The following B3GALT1 variants were observed in gnomAD, a reference collection of about 807,000 sequenced individuals.
The protein encoded by B3GALT1 is beta-1,3-galactosyltransferase 1, also known as UDP-Gal:betaGlcNAc beta 1,3-galactosyltransferase, polypeptide 1.
Under a neutral mutation model 23.2 loss-of-function variants are expected in B3GALT1, and 10 were observed. The ratio of observed to expected loss-of-function variants is 0.43; its 90% confidence interval spans 0.27 to 0.73. The LOEUF (loss-of-function observed/expected upper bound fraction) is 0.73, where lower values mean the gene tolerates loss of function less well. Among genes scored for constraint, B3GALT1 ranks in the 30% least tolerant of loss-of-function variants. The pLI is 0.21. For synonymous variants in B3GALT1, 156 were observed against 141.5 expected (o/e 1.10, Z -0.73); for missense variants, 299 against 405.4 (o/e 0.74, Z 2.25).
intron 2 of B3GALT1, among the ~76,000 whole-genome samples, chr2:167,627,692 G>T (rs1044606038): frequency 6.6e-6 from 1 of 151,604 alleles, no homozygotes. Context: ...AGACCTGGGA[G>T]TGGAACAACT....
rs149922814 is a variant in B3GALT1, at chr2:167,783,968, C to T, written c.-351-34704C>T. Among the ~76,000 whole-genome samples the T allele has an allele frequency of 7.9e-5, 12 of 152,292 alleles. 1 individual carries two copies. The highest frequency in any genetic ancestry group is 6.2e-4 in the South Asian group (3 of 4,824). On this transcript the variant is annotated intron_variant, in intron 3 of 4. Coordinates refer to ENST00000392690, the MANE Select transcript of B3GALT1 (RefSeq NM_020981.4). Reference sequence around the variant, plus strand: ...TCTGCAGTGACCACAGTGGCAAGGTCTGGGGAGGAGCCAGCAGTGGTGGTT... The same window carrying T: ...TCTGCAGTGACCACAGTGGCAAGGTTTGGGGAGGAGCCAGCAGTGGTGGTT...
intron 3 of B3GALT1, among the ~76,000 whole-genome samples, chr2:167,672,176 T>C (rs1243041981): frequency 6.6e-6 from 1 of 152,134 alleles, no homozygotes; most frequent in African/African-American, 2.4e-5. Flanking sequence ...GCTTCCCTTT[T>C]GGAGAAACCT....
At chr2:167,375,446 A>G (rs751520997) in intron 1 of B3GALT1, among the ~76,000 whole-genome samples, 4 of 152,146 alleles carry the variant, frequency 2.6e-5, no homozygotes, top group Non-Finnish European at 5.9e-5. Flanking sequence ...GGCCATTTTA[A>G]TGATGTGATT....
At chr2:167,335,562 G>A (rs1043271015) in intron 1 of B3GALT1, among the ~76,000 whole-genome samples, 2 of 152,100 alleles carry the variant, frequency 1.3e-5, no homozygotes, top group African/African-American at 2.4e-5. Context: ...CGGGGAAGGG[G>A]GTGGGCAGTT....
intron 1 of B3GALT1, among the ~76,000 whole-genome samples, chr2:167,431,056 C>T (rs1209101952): frequency 1.3e-5 from 2 of 152,050 alleles, no homozygotes; most frequent in Non-Finnish European, 2.9e-5. Flanking sequence ...CTGTAATGTC[C>T]TTTATGCTGC....
At chr2:167,551,749 C>T (rs1683751014) in intron 2 of B3GALT1, among the ~76,000 whole-genome samples, 1 of 152,006 alleles carries the variant, frequency 6.6e-6, no homozygotes, top group Non-Finnish European at 1.5e-5. Context: ...TAAATTCACA[C>T]AGAGGCACCA....
Position 167,869,820 on chromosome 2 carries a change from C to G in B3GALT1, c.781C>G (p.Leu261Val), listed in dbSNP as rs1301507862. 6.2e-7 allele frequency: 1 copy of G among 1,614,116 alleles called. No homozygotes were observed. Reference protein sequence around the residue: ...IYKTSLHTRLLHLEDVYVGLC... With the variant: ...IYKTSLHTRLVHLEDVYVGLC... ...CAAGACCTCACTCCACACAAGGCTG[C>G]TTCACCTTGAAGACGTATATGTGGG... The change falls in exon 5 of 5, where the codon CTT becomes GTT. Residue 261 changes from leucine (L) to valine (V), a missense_variant. By Grantham distance (32) the Leu-to-Val change is conservative (BLOSUM62 1). This residue lies in a region of B3GALT1 where 133 missense variants were observed against 204.8 expected (regional missense o/e 0.65). Coordinates refer to ENST00000392690, the MANE Select transcript of B3GALT1 (RefSeq NM_020981.4). The surrounding 1 kb of genome is among the most constrained non-coding windows in gnomAD (Gnocchi z 6.4).
intron 3 of B3GALT1, among the ~76,000 whole-genome samples, chr2:167,709,529 G>T (rs1687018268): frequency 6.6e-6 from 1 of 152,194 alleles, no homozygotes; most frequent in South Asian, 2.1e-4. Flanking sequence ...TGTTTGGGAA[G>T]ATGTACTAAG....
At chr2:167,520,639 C>T (rs1700174041) in intron 2 of B3GALT1, among the ~76,000 whole-genome samples, 2 of 152,316 alleles carry the variant, frequency 1.3e-5, no homozygotes, top group Middle Eastern at 3.4e-3. Context: ...TTTGCTTTTG[C>T]TTTGCCTGGA....
intron 1 of B3GALT1, among the ~76,000 whole-genome samples, chr2:167,295,128 G>C (rs770247262): frequency 2.9e-4 from 44 of 152,094 alleles, no homozygotes; most frequent in Non-Finnish European, 5.4e-4. Flanking sequence ...TGTTAGTTTT[G>C]GGTCCAAGGA....
chr2:167,397,068 G>T (rs1698110897), intron 1 of B3GALT1, among the ~76,000 whole-genome samples: 1 of 152,040 alleles, frequency 6.6e-6, no homozygotes, highest in Admixed American at 6.6e-5. Flanking sequence ...TCTCGTAAAA[G>T]TTTGTGAAAT....
chr2:167,599,181 T>C (rs1281628282), intron 2 of B3GALT1, among the ~76,000 whole-genome samples: 1 of 152,216 alleles, frequency 6.6e-6, no homozygotes, highest in Non-Finnish European at 1.5e-5. Flanking sequence ...CAGTAGTGGC[T>C]GTTAGCTACA....
chr2:167,670,281 A>G (rs1686300486), intron 3 of B3GALT1, among the ~76,000 whole-genome samples: 1 of 152,194 alleles, frequency 6.6e-6, no homozygotes, highest in Non-Finnish European at 1.5e-5. Context: ...GCTTTTCAGG[A>G]TTTAGAGAAA....
rs73021745 is a variant in B3GALT1, at chr2:167,390,174, G to T, written c.-511+96840G>T. On this transcript the variant is annotated intron_variant, in intron 1 of 4. Coordinates refer to ENST00000392690, the MANE Select transcript of B3GALT1 (RefSeq NM_020981.4). ...CCAGCTGGGATTTATCTGAGAGGCT[G>T]AATCCAGAGCCATGTGCAAGTGGGG... Among the ~76,000 whole-genome samples, 1,260 of 152,232 alleles carry T rather than the reference G, an allele frequency of 8.3e-3. 25 individuals carry two copies. Among genetic ancestry groups the T allele is most frequent in the African/African-American group, 0.029 (1,200 of 41,538 alleles).
At chr2:167,795,125 A>G (rs1574266024) in intron 3 of B3GALT1, among the ~76,000 whole-genome samples, 1 of 152,160 alleles carries the variant, frequency 6.6e-6, no homozygotes, top group East Asian at 1.9e-4. Flanking sequence ...ACAGGTGTCT[A>G]CTACCAAACT....
At chr2:167,805,720 GATTACTGTAGCCTTGTAAT>G (rs1240925779) in intron 3 of B3GALT1, among the ~76,000 whole-genome samples, 1 of 152,140 alleles carries the variant, frequency 6.6e-6, no homozygotes, top group Non-Finnish European at 1.5e-5. Flanking sequence ...ATGCTGTTTT[GATTACTGTAGCCTTGTAAT>G]ATAGTTTGAA....
intron 1 of B3GALT1, among the ~76,000 whole-genome samples, chr2:167,413,031 G>A (rs1049310718): frequency 2.0e-5 from 3 of 152,072 alleles, no homozygotes; most frequent in Admixed American, 6.5e-5. Context: ...GAGGGATAAC[G>A]TCTAGAAGAG....
At chr2:167,396,541 TGTG>T (rs1698100946) in intron 1 of B3GALT1, among the ~76,000 whole-genome samples, 1 of 139,108 alleles carries the variant, frequency 7.2e-6, no homozygotes, top group Non-Finnish European at 1.5e-5. Context: ...TATATGTGTG[TGTG>T]TGTGTGTGTG....
chr2:167,416,013 AT>A (rs1168272470), intron 1 of B3GALT1, among the ~76,000 whole-genome samples: 2 of 152,076 alleles, frequency 1.3e-5, no homozygotes, highest in African/African-American at 4.8e-5. Flanking sequence ...AAAAAAAAAG[AT>A]TTGGAAAACT....
Sources: allele counts gnomAD v4.1 joint callset (sites outside exome capture counted in the v4.1 genomes callset), GRCh38; gene constraint gnomAD v4.1.1; regional missense constraint gnomAD v4.1.1; non-coding constraint Gnocchi (gnomAD v3.1); transcripts MANE v1.5; gene names NCBI Gene and HGNC (gene_info 2026-07-23, HGNC 2026-07-21).